TMEM207: variants seen among roughly 807,000 people sequenced by gnomAD.
TMEM207 encodes transmembrane protein 207, also known as SRSR846.
Under a neutral mutation model 17.4 loss-of-function variants are expected in TMEM207, and 15 were observed. The observed-to-expected ratio is 0.86, with a 90% CI of 0.58 to 1.33. The LOEUF (loss-of-function observed/expected upper bound fraction) is 1.33, where lower values mean the gene tolerates loss of function less well. Ranked by LOEUF, TMEM207 falls within the 40% of genes most tolerant of loss-of-function variation. The pLI is 0.00. For synonymous variants in TMEM207, 70 were observed against 65.6 expected (o/e 1.07, Z -0.33); for missense variants, 205 against 173.8 (o/e 1.18, Z -1.01).
rs1719632088 is a variant in TMEM207, at chr3:190,429,078, A to T, written c.*517T>A. The T allele has an allele frequency of 6.6e-6, 1 of 152,320 alleles. No homozygotes were observed. The highest frequency in any genetic ancestry group is 1.5e-5 in the Non-Finnish European group (1 of 68,190). 9.4% of individuals were successfully genotyped at this position (152,320 alleles called of 1,614,324 possible). ...TTGTAATCTTTTCCTTTTCCTCTTC[A>T]TTTATCCTTTACCCTTCAACTCCAA... On this transcript the variant is annotated 3_prime_UTR_variant, in exon 5 of 5. Coordinates refer to ENST00000354905, the MANE Select transcript of TMEM207 (RefSeq NM_207316.3).
intron 2 of TMEM207, among the ~76,000 whole-genome samples, chr3:190,445,896 A>G (rs1172732779): frequency 6.6e-6 from 1 of 152,198 alleles, no homozygotes; most frequent in Non-Finnish European, 1.5e-5. Context: ...CTTGGAACAT[A>G]GAAGTTGATT....
rs375274901 is a variant in TMEM207, at chr3:190,449,872, G to T, written c.-63C>A. The T allele has an allele frequency of 1.9e-5, 27 of 1,435,484 alleles. No individual in the cohort carries two copies. Among genetic ancestry groups the T allele is most frequent in the Non-Finnish European group, 2.5e-5 (25 of 1,020,290 alleles). The allele number at this position is 1,435,484 out of a possible 1,614,324, so 88.9% of individuals were successfully genotyped here. ...CCTGTGTTTATTTCCTTCTTTCTCA[G>T]AACTTACTAGCTTCTCTATAAGTTA... On this transcript the variant is annotated 5_prime_UTR_variant, in exon 1 of 5. It adds an upstream start codon to the 5' untranslated region. Coordinates refer to ENST00000354905, the MANE Select transcript of TMEM207 (RefSeq NM_207316.3).
rs1719937033 is a variant in TMEM207, at chr3:190,441,499, AGC to A, written c.114-19_114-18del. On this transcript the variant is annotated intron_variant, in intron 2 of 4. Coordinates refer to ENST00000354905, the MANE Select transcript of TMEM207 (RefSeq NM_207316.3). Reference sequence around the variant, plus strand: ...TTTACACACCTGGTGATAAAGGGAGAGCGTTAGTCCTGGAACTCAGGATAGCC... The same window carrying A: ...TTTACACACCTGGTGATAAAGGGAGAGTTAGTCCTGGAACTCAGGATAGCC... 1.2e-6 allele frequency: 2 copies of A among 1,608,290 alleles called. No individual in the cohort carries two copies. The highest frequency in any genetic ancestry group is 2.7e-5 in the African/African-American group (2 of 74,732).
At chr3:190,446,376 C>T (rs1288344943) in intron 2 of TMEM207, among the ~76,000 whole-genome samples, 2 of 152,086 alleles carry the variant, frequency 1.3e-5, no homozygotes, top group African/African-American at 4.8e-5. Flanking sequence ...CACTGTCTTG[C>T]GATAACAAAA....
chr3:190,433,697 G>T (rs754237644), intron 4 of TMEM207, among the ~76,000 whole-genome samples: 132 of 152,206 alleles, frequency 8.7e-4, no homozygotes, highest in Non-Finnish European at 1.3e-3. Context: ...ACATTTGAGA[G>T]GGGGGAGAAA....
At chr3:190,447,674 G>T in intron 2 of TMEM207, 116 bp downstream of exon 2, 2 of 976,248 alleles carry the variant, frequency 2.0e-6, no homozygotes, top group Non-Finnish European at 3.0e-6. Flanking sequence ...CTTTTCTTCT[G>T]ATTATAATGA....
chr3:190,447,688 T>C, intron 2 of TMEM207, 102 bp downstream of exon 2: 1 of 1,162,440 alleles, frequency 8.6e-7, no homozygotes, highest in Admixed American at 2.3e-5. Flanking sequence ...ATAATGATCA[T>C]TTGAAACTCA....
intron 2 of TMEM207, among the ~76,000 whole-genome samples, chr3:190,442,627 T>C (rs1164799789): frequency 6.6e-6 from 1 of 152,194 alleles, no homozygotes; most frequent in Non-Finnish European, 1.5e-5. Context: ...ATTTGCTCTT[T>C]GTTCTTTTGA....
At chr3:190,433,634 CTTT>C (rs1719738496) in intron 4 of TMEM207, among the ~76,000 whole-genome samples, 1 of 152,084 alleles carries the variant, frequency 6.6e-6, no homozygotes, top group Non-Finnish European at 1.5e-5. Context: ...GCATACATTC[CTTT>C]GAAAAAATCA....
At chr3:190,444,773 G>A (rs1186744266) in intron 2 of TMEM207, among the ~76,000 whole-genome samples, 4 of 152,078 alleles carry the variant, frequency 2.6e-5, no homozygotes, top group Non-Finnish European at 4.4e-5. Context: ...CAAGCTATGA[G>A]GCCTCATAAA....
intron 2 of TMEM207, among the ~76,000 whole-genome samples, chr3:190,447,194 T>C (rs969816613): frequency 6.6e-6 from 1 of 152,074 alleles, no homozygotes; most frequent in Non-Finnish European, 1.5e-5. Flanking sequence ...GGAAGTGCTT[T>C]TCTGATACTA....
chr3:190,439,471 T>C (rs1043826828), intron 4 of TMEM207, among the ~76,000 whole-genome samples: 1 of 152,158 alleles, frequency 6.6e-6, no homozygotes, highest in African/African-American at 2.4e-5. Flanking sequence ...GTAACTGTAG[T>C]GTGTAATGCA....
chr3:190,447,719 T>C, intron 2 of TMEM207, 71 bp downstream of exon 2: 2 of 1,525,810 alleles, frequency 1.3e-6, no homozygotes, highest in East Asian at 2.3e-5. Context: ...TTCTAATGGC[T>C]TGAGCCTTTT....
chr3:190,445,824 C>T (rs1475657168), intron 2 of TMEM207, among the ~76,000 whole-genome samples: 8 of 152,220 alleles, frequency 5.3e-5, no homozygotes, highest in South Asian at 2.1e-4. Flanking sequence ...TGCGCCCGGT[C>T]GACCAGTTTT....
intron 4 of TMEM207, 39 bp from the exon 5 acceptor site, chr3:190,429,770 G>T: frequency 6.5e-7 from 1 of 1,549,752 alleles, no homozygotes; most frequent in Non-Finnish European, 8.7e-7. Context: ...TCTTTCTAGT[G>T]AGCATAAAAC....
chr3:190,449,423 T>C (rs187931259), intron 1 of TMEM207, among the ~76,000 whole-genome samples: 5 of 152,348 alleles, frequency 3.3e-5, no homozygotes, highest in African/African-American at 1.2e-4. Flanking sequence ...TAGCATTTTG[T>C]TCTGTGTCAA....
In TMEM207 at chr3:190,447,781, T is replaced by C. The variant is rs767497031; in HGVS notation, c.113+9A>G. 4 of 1,611,378 alleles carry C rather than the reference T, an allele frequency of 2.5e-6. No homozygotes were observed. The highest frequency in any genetic ancestry group is 3.3e-4 in the Middle Eastern group (2 of 6,050). On this transcript the variant is annotated intron_variant, in intron 2 of 4. Coordinates refer to ENST00000354905, the MANE Select transcript of TMEM207 (RefSeq NM_207316.3). Reference sequence around the variant, plus strand: ...AATAAAAACATGGAGTTTTTCGCTGTTTACTTACATTTCATCTTCTTCGCA... The same window carrying C: ...AATAAAAACATGGAGTTTTTCGCTGCTTACTTACATTTCATCTTCTTCGCA...
chr3:190,429,677 G>A lies in TMEM207; in HGVS notation c.359C>T (p.Pro120Leu), dbSNP rs1277559023. 2 of 1,612,826 alleles carry A rather than the reference G, an allele frequency of 1.2e-6. No individual in the cohort carries two copies. The highest frequency in any genetic ancestry group is 2.7e-5 in the African/African-American group (2 of 74,846). Residue 120 changes from proline (P) to leucine (L), a missense_variant, in exon 5 of 5, where the codon CCT (proline) becomes CTT (leucine). Coordinates refer to ENST00000354905, the MANE Select transcript of TMEM207 (RefSeq NM_207316.3). ...TGGAGCAGGAACAGGATATAGGTCA[G>A]GGGTTTGAGTTTGAAGGTGAATTCC... is the stretch of plus-strand genomic sequence containing the variant. ...TVGIHLQTQT[P>L]DLYPVPAPCF...
At chr3:190,440,165 T>C in intron 4 of TMEM207, 79 bp downstream of exon 4, 1 of 1,514,290 alleles carries the variant, frequency 6.6e-7, no homozygotes, top group South Asian at 1.3e-5. Context: ...CCAGATCTGC[T>C]TTTGGGAGAA....
Sources: gnomAD v4.1 joint callset for allele counts (sites outside exome capture counted in the v4.1 genomes callset) on GRCh38, gnomAD v4.1.1 for gene constraint, MANE v1.5 for transcripts, NCBI Gene and HGNC (gene_info 2026-07-23, HGNC 2026-07-21) for gene names.